Variants in LRRC37A observed in about 807,000 individuals in gnomAD.
The protein encoded by LRRC37A is leucine rich repeat containing 37A.
In LRRC37A, 3 loss-of-function variants were observed where a neutral mutation model predicts 35.4. The observed-to-expected ratio is 0.08, with a 90% CI of 0.04 to 0.22. The LOEUF (loss-of-function observed/expected upper bound fraction) is 0.22. Ranked by LOEUF, LRRC37A falls within the 10% of genes least tolerant of loss-of-function variation. The probability of loss-of-function intolerance (pLI) is 1.00; values close to 1 mark genes in which losing one functional copy is unlikely to be tolerated. For synonymous variants in LRRC37A, 23 were observed against 215.0 expected (o/e 0.11, Z 7.81); for missense variants, 67 against 565.3 (o/e 0.12, Z 8.94).
upstream of LRRC37A, among the ~76,000 whole-genome samples, chr17:46,290,958 A>G (rs1274545484): frequency 2.0e-5 from 3 of 152,234 alleles, no homozygotes; most frequent in Non-Finnish European, 2.9e-5. Flanking sequence ...CAATCATTAC[A>G]TGACTACCTC....
chr17:46,281,315 T>G, the LRRC37A span, among the ~76,000 whole-genome samples: 1 of 151,754 alleles, frequency 6.6e-6, no homozygotes, highest in Admixed American at 6.6e-5. Flanking sequence ...AATAGTCATT[T>G]GCTGAGTGAA....
the LRRC37A span, chr17:46,268,770 GTC>G: frequency 9.1e-7 from 1 of 1,099,836 alleles, no homozygotes. Flanking sequence ...CATGTAATGG[GTC>G]CTCCTTTAGA....
At chr17:46,264,433 G>A in the LRRC37A span, among the ~76,000 whole-genome samples, 1 of 152,222 alleles carries the variant, frequency 6.6e-6, no homozygotes, top group African/African-American at 2.4e-5. Context: ...ATTAGGCTGT[G>A]AGAAACCAAT....
At chr17:46,275,453 CT>C in the LRRC37A span, 7 of 848,848 alleles carry the variant, frequency 8.2e-6, no homozygotes, top group Non-Finnish European at 1.3e-5. Flanking sequence ...AATTGAGCAC[CT>C]TTCATTTTTG....
chr17:46,258,993 C>CT, the LRRC37A span, among the ~76,000 whole-genome samples: 1 of 136,438 alleles, frequency 7.3e-6, no homozygotes, highest in Non-Finnish European at 1.5e-5. Flanking sequence ...GCTGGGATTA[C>CT]AGGCATGAGC....
chr17:46,262,796 AAAAAAG>A, the LRRC37A span, among the ~76,000 whole-genome samples: 1 of 147,026 alleles, frequency 6.8e-6, no homozygotes, highest in Admixed American at 6.7e-5. Flanking sequence ...GGAAAAAAAA[AAAAAAG>A]AAAAGAAAAG....
the LRRC37A span, among the ~76,000 whole-genome samples, chr17:46,285,318 GCAACCTCTGCTTCCTGTGTT>G: frequency 6.8e-6 from 1 of 147,922 alleles, no homozygotes; most frequent in Non-Finnish European, 1.5e-5. Flanking sequence ...TTGGCTCACT[GCAACCTCTGCTTCCTGTGTT>G]CAAGCGATTC....
chr17:46,252,350 G>C, the LRRC37A span, among the ~76,000 whole-genome samples: 1 of 142,980 alleles, frequency 7.0e-6, no homozygotes, highest in Admixed American at 7.2e-5. Context: ...AAATACAGGC[G>C]CGTGCCACCA....
At chr17:46,259,271 G>A in the LRRC37A span, among the ~76,000 whole-genome samples, 43 of 151,492 alleles carry the variant, frequency 2.8e-4, no homozygotes, top group Non-Finnish European at 4.9e-4. Flanking sequence ...AGGTATGATC[G>A]GGTGGGGGTG....
the LRRC37A span, among the ~76,000 whole-genome samples, chr17:46,264,932 C>T: frequency 6.6e-6 from 1 of 152,262 alleles, no homozygotes; most frequent in South Asian, 2.1e-4. Context: ...AATCTTAAGC[C>T]TAGTGAATTT....
the LRRC37A span, among the ~76,000 whole-genome samples, chr17:46,277,796 A>G: frequency 0.14 from 21,578 of 149,438 alleles, 1,870 homozygotes; most frequent in Middle Eastern, 0.22. Context: ...ACAGGTGCCC[A>G]CCCTTACGCC....
chr17:46,279,749 C>A, the LRRC37A span, among the ~76,000 whole-genome samples: 1 of 152,134 alleles, frequency 6.6e-6, no homozygotes, highest in Non-Finnish European at 1.5e-5. Context: ...CCTGCCTCAG[C>A]CTCTCAATGT....
At chr17:46,323,998 G>C (rs1181230081) in intron 7 of LRRC37A, among the ~76,000 whole-genome samples, 1 of 103,408 alleles carries the variant, frequency 9.7e-6, no homozygotes, top group Admixed American at 9.7e-5. Context: ...TGTGGACTTT[G>C]GTAACTGCAG....
At chr17:46,261,214 A>AG in the LRRC37A span, among the ~76,000 whole-genome samples, 1 of 152,188 alleles carries the variant, frequency 6.6e-6, no homozygotes, top group Non-Finnish European at 1.5e-5. Flanking sequence ...TATGGAAATA[A>AG]AAATTTTTTT....
At chr17:46,253,576 G>C in the LRRC37A span, among the ~76,000 whole-genome samples, 1 of 152,188 alleles carries the variant, frequency 6.6e-6, no homozygotes, top group African/African-American at 2.4e-5. Flanking sequence ...GCGAAACCCC[G>C]TCTCCACCAA....
At chr17:46,268,573 T>C in the LRRC37A span, 1 of 1,529,924 alleles carries the variant, frequency 6.5e-7, no homozygotes, top group Non-Finnish European at 8.8e-7. Context: ...CTGCTCCAGG[T>C]CCTGAGAGGC....
chr17:46,274,562 A>G, the LRRC37A span, among the ~76,000 whole-genome samples: 3 of 152,240 alleles, frequency 2.0e-5, no homozygotes, highest in South Asian at 2.1e-4. Flanking sequence ...TTGATAAGAT[A>G]TGGATGGATT....
the LRRC37A span, chr17:46,267,654 A>T: frequency 7.5e-7 from 1 of 1,340,708 alleles, no homozygotes; most frequent in Non-Finnish European, 1.1e-6. Flanking sequence ...CATGATTAGG[A>T]TTTAGACGAC....
the LRRC37A span, among the ~76,000 whole-genome samples, chr17:46,263,550 C>CAAAAAAAAAAAA: frequency 1.6e-5 from 1 of 63,632 alleles, no homozygotes. Flanking sequence ...GACTCTGTCT[C>CAAAAAAAAAAAA]AAAAAAAAAA....
Sources: allele counts gnomAD v4.1 joint callset (sites outside exome capture counted in the v4.1 genomes callset), GRCh38; gene constraint gnomAD v4.1.1; transcripts MANE v1.5; gene names NCBI Gene and HGNC (gene_info 2026-07-23, HGNC 2026-07-21).